SCN9A: variants seen among roughly 807,000 people sequenced by gnomAD.
SCN9A encodes sodium voltage-gated channel alpha subunit 9.
SCN9A carries 131 observed loss-of-function variants against 187.0 expected under a neutral mutation model. That is an observed-to-expected ratio of 0.70 (90% CI 0.61 to 0.81). SCN9A has a LOEUF of 0.81. SCN9A is among the 30% of genes least tolerant of loss of function. SCN9A has a pLI of 0.00. For missense variants in SCN9A, 2,252 were observed against 2,396.6 expected (o/e 0.94, Z 1.26); for synonymous variants, 809 against 808.6 (o/e 1.00, Z -0.01).
chr2:166,240,538 C>T (rs1243972458), intron 19 of SCN9A, among the ~76,000 whole-genome samples: 3 of 152,134 alleles, frequency 2.0e-5, no homozygotes, highest in Non-Finnish European at 4.4e-5. Context: ...TTTGTAATCT[C>T]CTCTCTGAAA....
chr2:166,276,959 A>G (rs778000381), intron 16 of SCN9A, 24 bp downstream of exon 16: 1 of 1,570,186 alleles, frequency 6.4e-7, no homozygotes, highest in East Asian at 2.3e-5. Flanking sequence ...AGAAATTAAA[A>G]TGCATGAACA....
Position 166,204,184 on chromosome 2 carries a change from T to C in SCN9A, c.4545A>G (p.Gln1515=), listed in dbSNP as rs1298398772. ...GAACCATGATACTAATATCAAAGGC[T>C]TGATTTGTCACTAGGTCAAATATAC... ...QGCIFDLVTN[Q]AFDISIMVLI... is the part of the protein sequence containing the mutation. The change falls in exon 26 of 27, where the codon CAA becomes CAG. Residue 1515 remains glutamine (Q), a synonymous_variant. Coordinates refer to ENST00000642356, the MANE Select transcript of SCN9A (RefSeq NM_001365536.1). 2 of 1,612,470 alleles carry C rather than the reference T, an allele frequency of 1.2e-6. No homozygotes were observed. The highest frequency in any genetic ancestry group is 1.7e-5 in the Admixed American group (1 of 59,898).
chr2:166,243,791 C>T (rs1028070541), intron 18 of SCN9A, among the ~76,000 whole-genome samples: 5 of 151,758 alleles, frequency 3.3e-5, no homozygotes, highest in South Asian at 4.1e-4. Flanking sequence ...AAGCAGGGAA[C>T]GAGATACGCA....
intron 17 of SCN9A, among the ~76,000 whole-genome samples, chr2:166,255,187 T>C (rs1446383745): frequency 6.6e-6 from 1 of 151,476 alleles, no homozygotes; most frequent in African/African-American, 2.4e-5. Context: ...TACAACACTA[T>C]AGCTGTGAAA....
chr2:166,230,750 G>A (rs1695047639), intron 21 of SCN9A, among the ~76,000 whole-genome samples: 1 of 151,954 alleles, frequency 6.6e-6, no homozygotes, highest in Non-Finnish European at 1.5e-5. Context: ...TGGGGACCGG[G>A]GTCTATGTAC....
intron 8 of SCN9A, 131 bp from the exon 9 acceptor site, chr2:166,293,503 A>T (rs1698171363): frequency 1.3e-6 from 1 of 744,918 alleles, no homozygotes; most frequent in South Asian, 3.2e-5. Context: ...AGAATACATG[A>T]TTTGGCTACT....
rs542456172 is a variant in SCN9A, at chr2:166,329,566, T to TGGG, written c.-50-17763_-50-17761dup. ...ACCCATTTTTGTTGTTTGTTATTGTTGGGGGGGGGTTGTTGTTGTTGTTTG... is the reference window on the plus strand; with the variant it reads ...ACCCATTTTTGTTGTTTGTTATTGTTGGGGGGGGGGGGTTGTTGTTGTTGTTTG... On this transcript the variant is annotated intron_variant, in intron 1 of 26. Transcript: ENST00000642356. Among the ~76,000 whole-genome samples, 16 of 147,188 alleles carry TGGG rather than the reference T, an allele frequency of 1.1e-4. 1 individual carries two copies. Among genetic ancestry groups the TGGG allele is most frequent in the African/African-American group, 3.3e-4 (13 of 39,638 alleles).
At chr2:166,298,996 A>G (rs955969614) in intron 7 of SCN9A, among the ~76,000 whole-genome samples, 1 of 152,118 alleles carries the variant, frequency 6.6e-6, no homozygotes, top group Non-Finnish European at 1.5e-5. Context: ...TTATACTTTG[A>G]GGAAATAAAA....
At chr2:166,233,218 T>G in intron 21 of SCN9A, 122 bp downstream of exon 21, 1 of 600,124 alleles carries the variant, frequency 1.7e-6, no homozygotes, top group South Asian at 2.7e-5. Flanking sequence ...TACACACACA[T>G]ACATAAACAG....
intron 24 of SCN9A, among the ~76,000 whole-genome samples, chr2:166,222,965 A>AAAAAAAAAAAAAAAAC (rs1694681963): frequency 7.0e-6 from 1 of 142,422 alleles, no homozygotes; most frequent in South Asian, 2.1e-4. Context: ...AAAAAAAAAA[A>AAAAAAAAAAAAAAAAC]AAAAAAACAG....
chr2:166,313,057 A>AATT (rs71395218), intron 1 of SCN9A, among the ~76,000 whole-genome samples: 87,967 of 139,448 alleles, frequency 0.63, 28,886 homozygotes, highest in African/African-American at 0.73. Flanking sequence ...TAAAGAATAT[A>AATT]ATTATTTAAT....
chr2:166,363,970 T>A (rs369107141), intron 1 of SCN9A, among the ~76,000 whole-genome samples: 1 of 151,972 alleles, frequency 6.6e-6, no homozygotes, highest in Non-Finnish European at 1.5e-5. Flanking sequence ...ATTGGCAATA[T>A]GTAAAAAATT....
chr2:166,318,701 C>T (rs1450676540), intron 1 of SCN9A, among the ~76,000 whole-genome samples: 2 of 152,074 alleles, frequency 1.3e-5, no homozygotes, highest in African/African-American at 2.4e-5. Flanking sequence ...TTACCTTTTA[C>T]TTTACCCAAA....
At chr2:166,208,940 G>A (rs548539370) in intron 24 of SCN9A, among the ~76,000 whole-genome samples, 74 of 152,300 alleles carry the variant, frequency 4.9e-4, no homozygotes, top group African/African-American at 1.8e-3. Context: ...ACTTTCAAGG[G>A]AGGGAGAGGA....
At chr2:166,349,472 T>A (rs1449304036) in intron 1 of SCN9A, among the ~76,000 whole-genome samples, 1 of 152,230 alleles carries the variant, frequency 6.6e-6, no homozygotes, top group Non-Finnish European at 1.5e-5. Context: ...AATTTATGCA[T>A]TGAACCATAT....
chr2:166,311,457 G>C, intron 2 of SCN9A, 42 bp downstream of exon 2: 1 of 1,414,240 alleles, frequency 7.1e-7, no homozygotes, highest in Non-Finnish European at 9.3e-7. Flanking sequence ...TATACAGAAG[G>C]AAGCCAACAG....
At chr2:166,257,323 T>G (rs1027998603) in intron 17 of SCN9A, among the ~76,000 whole-genome samples, 1 of 151,068 alleles carries the variant, frequency 6.6e-6, no homozygotes, top group Non-Finnish European at 1.5e-5. Flanking sequence ...TTCGTAAATA[T>G]TATCTATAAT....
chr2:166,330,051 T>G (rs1174765564), intron 1 of SCN9A, among the ~76,000 whole-genome samples: 1 of 152,210 alleles, frequency 6.6e-6, no homozygotes, highest in Non-Finnish European at 1.5e-5. Flanking sequence ...CCTGTACTTG[T>G]CTAGTCTTCA....
chr2:166,340,578 CTTTCTTTCTTTCTTTCTTTCTTTCTT>C (rs1224577336), intron 1 of SCN9A, among the ~76,000 whole-genome samples: 12 of 69,996 alleles, frequency 1.7e-4, no homozygotes, highest in African/African-American at 1.3e-3. Flanking sequence ...TTCTTTCTTT[CTTTCTTTCTTTCTTTCTTTCTTTCTT>C]TTTCTTTCTT....
Sources: gnomAD v4.1 joint callset for allele counts (sites outside exome capture counted in the v4.1 genomes callset) on GRCh38, gnomAD v4.1.1 for gene constraint, MANE v1.5 for transcripts, NCBI Gene and HGNC (gene_info 2026-07-23, HGNC 2026-07-21) for gene names.